The following CACNA2D3 variants were observed in gnomAD, a reference collection of about 807,000 sequenced individuals.
CACNA2D3 encodes the protein calcium voltage-gated channel auxiliary subunit alpha2delta 3, also known as voltage-dependent calcium channel subunit alpha-2/delta-3.
A neutral mutation model predicts 160.6 loss-of-function variants in CACNA2D3; 60 were observed. That is an observed-to-expected ratio of 0.37 (90% confidence interval 0.30 to 0.46). CACNA2D3 has a LOEUF of 0.46. Among genes scored for constraint, CACNA2D3 ranks in the 20% least tolerant of loss-of-function variants. CACNA2D3 has a pLI of 1.00. For missense variants in CACNA2D3, 1,205 were observed against 1,365.0 expected (o/e 0.88, Z 1.85); for synonymous variants, 558 against 492.9 (o/e 1.13, Z -1.75).
intron 13 of CACNA2D3, among the ~76,000 whole-genome samples, chr3:54,799,403 A>C (rs1702935424): frequency 6.6e-6 from 1 of 152,138 alleles, no homozygotes; most frequent in South Asian, 2.1e-4. Context: ...ATGACTGAAG[A>C]TTTTGTTCAC....
intron 4 of CACNA2D3, among the ~76,000 whole-genome samples, chr3:54,400,877 A>G (rs934143619): frequency 2.6e-5 from 4 of 152,300 alleles, no homozygotes; most frequent in Admixed American, 6.5e-5. Flanking sequence ...TAACACAATA[A>G]TTCTCTAGTA....
At chr3:54,531,662 A>G (rs1701806850) in intron 5 of CACNA2D3, among the ~76,000 whole-genome samples, 1 of 152,184 alleles carries the variant, frequency 6.6e-6, no homozygotes, top group Non-Finnish European at 1.5e-5. Context: ...TGTTTCTGTG[A>G]TGTCCGGGTT....
At chr3:54,923,943 C>T (rs1700933983) in intron 27 of CACNA2D3, among the ~76,000 whole-genome samples, 1 of 152,210 alleles carries the variant, frequency 6.6e-6, no homozygotes, top group Non-Finnish European at 1.5e-5. Flanking sequence ...AATGAATGGG[C>T]ATGGCTGTGT....
At chr3:54,576,446 C>T (rs4955857) in intron 8 of CACNA2D3, among the ~76,000 whole-genome samples, 51,780 of 151,996 alleles carry the variant, frequency 0.34, 9,700 homozygotes, top group Middle Eastern at 0.43. Context: ...TCTTTCCTAT[C>T]TTAGATCATC....
chr3:54,993,650 T>A (rs766019719), intron 31 of CACNA2D3, among the ~76,000 whole-genome samples: 11 of 151,868 alleles, frequency 7.2e-5, no homozygotes, highest in Admixed American at 2.6e-4. Context: ...TTGCCCTGGG[T>A]TTTTTGCTTT....
chr3:54,705,864 G>T (rs940118104), intron 11 of CACNA2D3, among the ~76,000 whole-genome samples: 1 of 149,574 alleles, frequency 6.7e-6, no homozygotes, highest in Non-Finnish European at 1.5e-5. Context: ...AGCAGACTTG[G>T]TCTGAGACAA....
intron 11 of CACNA2D3, among the ~76,000 whole-genome samples, chr3:54,645,607 T>C (rs1699618398): frequency 6.6e-6 from 1 of 152,194 alleles, no homozygotes; most frequent in South Asian, 2.1e-4. Context: ...GTGGAGTTCC[T>C]GACCACTGCT....
At chr3:54,452,995 T>C (rs13081811) in intron 4 of CACNA2D3, among the ~76,000 whole-genome samples, 15,438 of 151,838 alleles carry the variant, frequency 0.1, 834 homozygotes, top group Non-Finnish European at 0.11. Context: ...CTCTCTCTCT[T>C]TCTCCTCTTT....
At chr3:54,885,100 C>A (rs961958159) in intron 21 of CACNA2D3, among the ~76,000 whole-genome samples, 181 bp from the exon 22 acceptor site, 12 of 152,010 alleles carry the variant, frequency 7.9e-5, no homozygotes, top group African/African-American at 2.9e-4. Context: ...GGGAGAGAGT[C>A]CTGCCTGGAA....
Position 54,562,775 on chromosome 3 carries a change from CT to C in CACNA2D3, c.545-24del, listed in dbSNP as rs544132437. On this transcript the variant is annotated intron_variant, in intron 5 of 37. Coordinates refer to ENST00000474759, the MANE Select transcript of CACNA2D3 (RefSeq NM_018398.3). ...TTTCACTTTGGTTTCTAATACACCCCTCTCTCTCTCTTTCTTTTTTACAGAC... is the reference window on the plus strand; with the variant it reads ...TTTCACTTTGGTTTCTAATACACCCCCTCTCTCTCTTTCTTTTTTACAGAC... The C allele has an allele frequency of 3.4e-4, 514 of 1,518,488 alleles. 6 individuals are homozygous for C. The highest frequency in any genetic ancestry group is 1.2e-3 in the African/African-American group (91 of 72,952). 94.1% of individuals were successfully genotyped at this position (1,518,488 alleles called of 1,614,324 possible). A position where few individuals can be genotyped will look rare whatever the true frequency, so the allele number is the denominator to read the frequency against.
intron 13 of CACNA2D3, among the ~76,000 whole-genome samples, chr3:54,769,024 C>T (rs1702270184): frequency 6.6e-6 from 1 of 152,154 alleles, no homozygotes; most frequent in African/African-American, 2.4e-5. Context: ...GCTGCTTCAA[C>T]AGGTACCTCT....
intron 21 of CACNA2D3, 148 bp downstream of exon 21, chr3:54,881,011 T>TTC: frequency 1.4e-6 from 1 of 706,782 alleles, no homozygotes; most frequent in East Asian, 2.5e-5. Flanking sequence ...TACTTGATAA[T>TTC]TCTTAATACC....
rs573717267 is a variant in CACNA2D3, at chr3:54,449,023, A to G, written c.382-54469A>G. ...ATTTTAGAATGGTTAATGTCATTCA[A>G]TCAACCCTCAGTGAAAGACAAGAAG... On this transcript the variant is annotated intron_variant, in intron 4 of 37. Transcript: ENST00000474759. 4.1e-4 allele frequency among the ~76,000 whole-genome samples: 62 copies of G among 152,370 alleles called. 1 individual carries two copies. The highest frequency in any genetic ancestry group is 1.0e-3 in the Admixed American group (16 of 15,298).
At chr3:54,312,698 C>T (rs1703768283) in intron 2 of CACNA2D3, among the ~76,000 whole-genome samples, 1 of 152,206 alleles carries the variant, frequency 6.6e-6, no homozygotes, top group African/African-American at 2.4e-5. Context: ...GTTCTTGGCT[C>T]ACCACAGGAT....
At chr3:54,717,840 AGTGT>A (rs1160779539) in intron 11 of CACNA2D3, among the ~76,000 whole-genome samples, 5 of 100,342 alleles carry the variant, frequency 5.0e-5, no homozygotes, top group African/African-American at 1.2e-4. Flanking sequence ...TGTGTGCGTG[AGTGT>A]GTGTGTGGTG....
chr3:54,292,780 A>T (rs1238456279), intron 2 of CACNA2D3, among the ~76,000 whole-genome samples: 1 of 152,190 alleles, frequency 6.6e-6, no homozygotes, highest in Non-Finnish European at 1.5e-5. Context: ...TTCTACAAAA[A>T]GTTAAATATA....
At chr3:54,189,052 A>G (rs1700933312) in intron 2 of CACNA2D3, among the ~76,000 whole-genome samples, 1 of 152,224 alleles carries the variant, frequency 6.6e-6, no homozygotes, top group African/African-American at 2.4e-5. Flanking sequence ...ACAACTCTGC[A>G]TATTTTATTA....
At chr3:54,539,174 C>A (rs763663371) in intron 5 of CACNA2D3, among the ~76,000 whole-genome samples, 6 of 152,156 alleles carry the variant, frequency 3.9e-5, no homozygotes, top group Non-Finnish European at 7.4e-5. Flanking sequence ...TCACCTAGGG[C>A]AAATTACTTA....
intron 12 of CACNA2D3, among the ~76,000 whole-genome samples, chr3:54,754,087 C>T (rs1210002285): frequency 6.6e-6 from 1 of 152,156 alleles, no homozygotes; most frequent in African/African-American, 2.4e-5. Flanking sequence ...GCTCAATAAT[C>T]CTTAGCTTTT....
Sources: gnomAD v4.1 joint callset for allele counts (sites outside exome capture counted in the v4.1 genomes callset) on GRCh38, gnomAD v4.1.1 for gene constraint, MANE v1.5 for transcripts, NCBI Gene and HGNC (gene_info 2026-07-23, HGNC 2026-07-21) for gene names.